The following VGLL4 variants were observed in gnomAD, a reference collection of about 807,000 sequenced individuals.
VGLL4 encodes transcription cofactor vestigial-like protein 4.
Under a neutral mutation model 21.0 loss-of-function variants are expected in VGLL4, and 7 were observed. The observed-to-expected ratio is 0.33, with a 90% CI of 0.19 to 0.63. VGLL4 has a LOEUF of 0.63. VGLL4 is among the 20% of genes least tolerant of loss of function. The pLI is 0.78. For missense variants in VGLL4, 394 were observed against 425.7 expected, an observed-to-expected ratio of 0.93 and a Z score of 0.66; for synonymous variants, 222 against 173.2, an observed-to-expected ratio of 1.28 and a Z score of -2.21.
intron 2 of VGLL4, among the ~76,000 whole-genome samples, chr3:11,566,180 G>C (rs558027105): frequency 9.2e-5 from 14 of 152,112 alleles, no homozygotes; most frequent in African/African-American, 3.4e-4. Context: ...ACAATGTTAC[G>C]CATGCACACA....
chr3:11,582,885 C>A (rs893701417), intron 2 of VGLL4, among the ~76,000 whole-genome samples: 2 of 152,170 alleles, frequency 1.3e-5, no homozygotes, highest in African/African-American at 4.8e-5. Flanking sequence ...ACCAGCAGAA[C>A]CCTAGGTGAG....
chr3:11,631,609 A>G (rs1038955327), intron 1 of VGLL4, among the ~76,000 whole-genome samples: 1 of 152,204 alleles, frequency 6.6e-6, no homozygotes, highest in South Asian at 2.1e-4. Flanking sequence ...TAACTGCTAT[A>G]AAGTAAGACT....
intron 2 of VGLL4, among the ~76,000 whole-genome samples, chr3:11,668,998 T>A (rs1329866605): frequency 6.6e-6 from 1 of 152,216 alleles, no homozygotes; most frequent in East Asian, 1.9e-4. Flanking sequence ...CTTCTGCTCG[T>A]CCTCTAACAC....
rs1045612282 is a variant in VGLL4, at chr3:11,564,652, G to T, written c.495+145C>A. On this transcript the variant is annotated intron_variant, in intron 3 of 4. Coordinates refer to ENST00000430365, the MANE Select transcript of VGLL4 (RefSeq NM_001128219.3). ...CTTGTCCCAAGTGCACAACAGAGGC[G>T]AAGGGTGGCATCCCTCACCACCTCC... The T allele has an allele frequency of 8.4e-6, 7 of 829,080 alleles. No homozygotes were observed. In the East Asian group the frequency reaches 2.1e-4, roughly 24 times the overall value. 51.4% of individuals were successfully genotyped at this position (829,080 alleles called of 1,614,324 possible).
chr3:11,675,547 A>G (rs2076278157), intron 2 of VGLL4, among the ~76,000 whole-genome samples: 1 of 150,894 alleles, frequency 6.6e-6, no homozygotes, highest in African/African-American at 2.4e-5. Context: ...CAAATGTAAA[A>G]CCCCACGGAG....
In VGLL4 at chr3:11,663,729, G is replaced by A. The variant is rs948874531; in HGVS notation, c.64+39242C>T. Among the ~76,000 whole-genome samples the A allele has an allele frequency of 2.0e-5, 3 of 151,818 alleles. No individual in the cohort carries two copies. In the East Asian group the frequency reaches 5.8e-4, roughly 30 times the overall value. ...CAAGGCTCCACCTCAAAATAAAAAA[G>A]TAAAATAAAATAAAGAAAGAATTTT... On this transcript the variant is annotated intron_variant, in intron 2 of 5. Transcript: ENST00000273038.
chr3:11,681,052 A>G (rs1039396864), intron 2 of VGLL4, among the ~76,000 whole-genome samples: 2 of 151,590 alleles, frequency 1.3e-5, no homozygotes, highest in Non-Finnish European at 2.9e-5. Context: ...CATGGCGTTC[A>G]TAATTGTTCT....
intron 2 of VGLL4, among the ~76,000 whole-genome samples, chr3:11,567,522 C>T (rs2073592671): frequency 6.6e-6 from 1 of 152,216 alleles, no homozygotes; most frequent in African/African-American, 2.4e-5. Flanking sequence ...CCACGCCACA[C>T]ACATCCTGGC....
At chr3:11,704,614 G>C (rs2076733989) in intron 1 of VGLL4, among the ~76,000 whole-genome samples, 1 of 151,886 alleles carries the variant, frequency 6.6e-6, no homozygotes, top group South Asian at 2.1e-4. Flanking sequence ...TTCTGCACTG[G>C]GTGTTCATAT....
chr3:11,698,210 C>G (rs2076631318), intron 2 of VGLL4, among the ~76,000 whole-genome samples: 1 of 152,158 alleles, frequency 6.6e-6, no homozygotes, highest in Non-Finnish European at 1.5e-5. Context: ...TATGAAGAAA[C>G]AGCTGGAGGC....
chr3:11,637,436 T>G (rs1473809625), intron 1 of VGLL4, among the ~76,000 whole-genome samples: 3 of 152,212 alleles, frequency 2.0e-5, no homozygotes, highest in Non-Finnish European at 4.4e-5. Flanking sequence ...CAGTTTGTCA[T>G]GTTTACAGAC....
intron 2 of VGLL4, among the ~76,000 whole-genome samples, chr3:11,687,320 T>C (rs1199572974): frequency 2.0e-5 from 3 of 152,222 alleles, no homozygotes; most frequent in Non-Finnish European, 1.5e-5. Context: ...TGTAGAAATA[T>C]AGTATTTCCT....
intron 3 of VGLL4, 37 bp downstream of exon 3, chr3:11,564,759 CT>C: frequency 6.6e-7 from 1 of 1,524,796 alleles, no homozygotes. Context: ...CCCCCAGCCC[CT>C]GGACTCCCCA....
intron 2 of VGLL4, among the ~76,000 whole-genome samples, chr3:11,695,146 G>A (rs2076586496): frequency 6.6e-6 from 1 of 151,512 alleles, no homozygotes; most frequent in Admixed American, 6.6e-5. Context: ...TGCCTCCCAG[G>A]TTCAAGCAAT....
chr3:11,715,782 T>A (rs969298414), intron 1 of VGLL4, among the ~76,000 whole-genome samples: 15 of 152,214 alleles, frequency 9.9e-5, no homozygotes, highest in Non-Finnish European at 2.1e-4. Context: ...ATACACAACC[T>A]TGTTTTACGT....
At chr3:11,591,628 T>C (rs1022065909) in intron 2 of VGLL4, among the ~76,000 whole-genome samples, 2 of 152,248 alleles carry the variant, frequency 1.3e-5, no homozygotes, top group Admixed American at 6.5e-5. Flanking sequence ...AAAATGCCTC[T>C]AGCCTGACAA....
At chr3:11,630,679 T>A (rs748982439) in intron 1 of VGLL4, among the ~76,000 whole-genome samples, 60 of 152,084 alleles carry the variant, frequency 3.9e-4, no homozygotes, top group Non-Finnish European at 6.3e-4. Flanking sequence ...AATAAAGATG[T>A]AGAGTTCCTG....
At chr3:11,680,494 G>A (rs1488485439) in intron 2 of VGLL4, among the ~76,000 whole-genome samples, 2 of 152,116 alleles carry the variant, frequency 1.3e-5, no homozygotes, top group Non-Finnish European at 2.9e-5. Flanking sequence ...ATGATCACAG[G>A]GCTGTGCGGG....
chr3:11,639,643 C>A (rs978355097), intron 1 of VGLL4, among the ~76,000 whole-genome samples: 1 of 152,192 alleles, frequency 6.6e-6, no homozygotes, highest in Non-Finnish European at 1.5e-5. Context: ...AAGGCCAAGG[C>A]GGGCGGATTA....
Sources: allele counts gnomAD v4.1 joint callset (sites outside exome capture counted in the v4.1 genomes callset), GRCh38; gene constraint gnomAD v4.1.1; transcripts MANE v1.5; gene names NCBI Gene and HGNC (gene_info 2026-07-23, HGNC 2026-07-21).